Variants in ZIC1 observed in about 807,000 individuals in gnomAD.
The protein encoded by ZIC1 is zinc finger protein ZIC 1.
In ZIC1, 4 loss-of-function variants were observed where a neutral mutation model predicts 30.9. The ratio of observed to expected loss-of-function variants is 0.13; its 90% CI spans 0.06 to 0.30. ZIC1 has a LOEUF of 0.30. Ranked by LOEUF, ZIC1 falls within the 10% of genes least tolerant of loss-of-function variation. The pLI is 1.00. For synonymous variants in ZIC1, 305 were observed against 277.5 expected, an observed-to-expected ratio of 1.10 and a Z score of -0.98; for missense variants, 441 against 639.3, an observed-to-expected ratio of 0.69 and a Z score of 3.34.
intron 1 of ZIC1, 108 bp from the exon 2 acceptor site, chr3:147,412,410 C>A: frequency 7.3e-7 from 1 of 1,368,312 alleles, no homozygotes; most frequent in Non-Finnish European, 1.0e-6. Flanking sequence ...AGTGCTAATC[C>A]TGGGCTGCTG....
Position 147,412,695 on chromosome 3 carries a change from T to C in ZIC1, c.1146+14T>C. The stretch of plus-strand genomic sequence containing the variant: ...AAACACATGAAGGTAATCGCCGCAC[T>C]CTCGTCGCCCCCTTTGAGGCAGGAG... On this transcript the variant is annotated intron_variant, in intron 2 of 2. Transcript: ENST00000282928. The C allele has an allele frequency of 6.2e-7, 1 of 1,602,724 alleles. No individual in the cohort carries two copies. Among genetic ancestry groups the C allele is most frequent in the Non-Finnish European group, 8.5e-7 (1 of 1,171,068 alleles).
chr3:147,414,578 A>T lies in ZIC1; in HGVS notation c.*1027A>T, dbSNP rs2087416843. 1 of 152,568 alleles carries T rather than the reference A, an allele frequency of 6.6e-6. No individual in the cohort carries two copies. The highest frequency in any genetic ancestry group is 2.4e-5 in the African/African-American group (1 of 41,430). 9.5% of individuals were successfully genotyped at this position (152,568 alleles called of 1,614,324 possible). On this transcript the variant is annotated 3_prime_UTR_variant, in exon 3 of 3. Transcript: ENST00000282928. Reference sequence around the variant, plus strand: ...TTAAATCTCCGTGATTGTGGTAGGAATTTCTTCTTCACCCACCAGCAACCT... The same window carrying T: ...TTAAATCTCCGTGATTGTGGTAGGATTTTCTTCTTCACCCACCAGCAACCT...
intron 1 of ZIC1, among the ~76,000 whole-genome samples, chr3:147,412,118 G>A (rs1314345227): frequency 1.3e-5 from 2 of 151,884 alleles, no homozygotes; most frequent in Admixed American, 6.6e-5. Flanking sequence ...CGGGGAGGGG[G>A]CAGGGGGAGG....
rs1460270064 is a variant in ZIC1 at position 147,410,514 on chromosome 3, C to T, written c.402C>T (p.His134=). 6.2e-7 allele frequency: 1 copy of T among 1,608,472 alleles called. No individual in the cohort carries two copies. Among genetic ancestry groups the T allele is most frequent in the South Asian group, 1.1e-5 (1 of 90,928 alleles). Residue 134 remains histidine (H), a synonymous_variant, in exon 1 of 3, where the codon CAC becomes CAT. Coordinates refer to ENST00000282928, the MANE Select transcript of ZIC1 (RefSeq NM_003412.4). ...SAGGFGGPHG[H]TDAAGHLLFP... The stretch of plus-strand genomic sequence containing the variant: ...GGGGCTTCGGGGGCCCACACGGCCA[C>T]ACGGACGCCGCGGGCCACCTCCTCT...
rs1335082823 is a variant in ZIC1 at position 147,410,204 on chromosome 3, G to A, written c.92G>A (p.Arg31Gln). 1.9e-6 allele frequency: 3 copies of A among 1,601,412 alleles called. No individual in the cohort carries two copies. Among genetic ancestry groups the A allele is most frequent in the Admixed American group, 3.3e-5 (2 of 59,988 alleles). The change falls in exon 1 of 3, where the codon CGA (arginine) becomes CAA (glutamine). Residue 31 changes from arginine to glutamine, a missense_variant. Around this residue, in one of 5 missense-constraint regions of ZIC1, gnomAD observed 307 missense variants for 355.3 expected, o/e 0.86. Transcript: ENST00000282928. ...RHHSAGDVAE[R>Q]DVGLGINPFA... ...CACTCCGCGGGCGACGTGGCCGAAC[G>A]AGACGTGGGCCTGGGCATCAACCCG...
chr3:147,414,926 G>A lies in ZIC1; in HGVS notation c.*1375G>A, dbSNP rs1360368001. On this transcript the variant is annotated 3_prime_UTR_variant, in exon 3 of 3. Transcript: ENST00000282928. ...CAACATTGCAAATGAACTTGCAGCC[G>A]AGGGTTCCGCTGCCCCCTAGATTAA... 2 of 152,704 alleles carry A rather than the reference G, an allele frequency of 1.3e-5. No individual in the cohort carries two copies. The highest frequency in any genetic ancestry group is 3.9e-4 in the East Asian group (2 of 5,188). 9.5% of individuals were successfully genotyped at this position (152,704 alleles called of 1,614,324 possible).
rs756393471 is a variant in ZIC1 at position 147,410,169 on chromosome 3, G to C, written c.57G>C (p.Ala19=). ...YPAIGVTTFG[A]SRHHSAGDVA... Reference sequence around the variant, plus strand: ...CGATCGGCGTGACCACCTTTGGCGCGTCCCGCCACCACTCCGCGGGCGACG... The same window carrying C: ...CGATCGGCGTGACCACCTTTGGCGCCTCCCGCCACCACTCCGCGGGCGACG... Residue 19 remains alanine, a synonymous_variant, in exon 1 of 3, where the codon GCG becomes GCC. Coordinates refer to ENST00000282928, the MANE Select transcript of ZIC1 (RefSeq NM_003412.4). 1 of 1,599,240 alleles carries C rather than the reference G, an allele frequency of 6.3e-7. No individual in the cohort carries two copies.
chr3:147,413,012 C>A (rs2087395565), intron 2 of ZIC1, among the ~76,000 whole-genome samples: 1 of 152,198 alleles, frequency 6.6e-6, no homozygotes, highest in African/African-American at 2.4e-5. Context: ...GCCAGTGAGA[C>A]GCAAGAATTG....
rs2087352962 is a variant in ZIC1, at chr3:147,410,111, C to G, written c.-2C>G. 1 of 1,525,938 alleles carries G rather than the reference C, an allele frequency of 6.6e-7. No homozygotes were observed. 94.5% of individuals were successfully genotyped at this position (1,525,938 alleles called of 1,614,324 possible). A position where few individuals can be genotyped will look rare whatever the true frequency, so the allele number is the denominator to read the frequency against. ...GGCCGGGGCTCGCCCCGAGCAGCCA[C>G]GATGCTCCTGGACGCCGGCCCCCAG... On this transcript the variant is annotated 5_prime_UTR_variant, in exon 1 of 3. Coordinates refer to ENST00000282928, the MANE Select transcript of ZIC1 (RefSeq NM_003412.4).
chr3:147,409,788 T>G lies in ZIC1; in HGVS notation c.-325T>G, dbSNP rs2087346274. The G allele has an allele frequency of 2.7e-6, 1 of 375,408 alleles. No individual in the cohort carries two copies. Among genetic ancestry groups the G allele is most frequent in the East Asian group, 4.7e-5 (1 of 21,218 alleles). 23.3% of individuals were successfully genotyped at this position (375,408 alleles called of 1,614,324 possible). A position where few individuals can be genotyped will look rare whatever the true frequency, so the allele number is the denominator to read the frequency against. On this transcript the variant is annotated 5_prime_UTR_variant, in exon 1 of 3. Coordinates refer to ENST00000282928, the MANE Select transcript of ZIC1 (RefSeq NM_003412.4). ...GCTCCATGCCTTTCCCCGGGCAGCC[T>G]TGACGCGCGGCCCTCTCGGCAGAGA... is the stretch of plus-strand genomic sequence containing the variant.
Position 147,410,698 on chromosome 3 carries a change from G to C in ZIC1, c.586G>C (p.Gly196Arg), listed in dbSNP as rs764570223. 6.8e-6 allele frequency: 11 copies of C among 1,613,950 alleles called. No homozygotes were observed. The highest frequency in any genetic ancestry group is 9.3e-6 in the Non-Finnish European group (11 of 1,179,948). The change falls in exon 1 of 3, where the codon GGC becomes CGC. Residue 196 changes from glycine to arginine, a missense_variant. Gly to Arg is a moderately radical substitution (Grantham distance 125). This residue lies in a region of ZIC1 where 307 missense variants were observed against 355.3 expected (regional missense o/e 0.86). Coordinates refer to ENST00000282928, the MANE Select transcript of ZIC1 (RefSeq NM_003412.4). ...GCACTATGCTGCGCCGCAGCTGCAC[G>C]GCTACGGGCCCATGAACGTGAACAT... ...SEHYAAPQLH[G>R]YGPMNVNMAA...
chr3:147,416,335 C>T lies in ZIC1; in HGVS notation c.*2784C>T, dbSNP rs566433240. The T allele has an allele frequency of 6.6e-6, 1 of 152,322 alleles. No individual in the cohort carries two copies. The highest frequency in any genetic ancestry group is 2.1e-4 in the South Asian group (1 of 4,826). 9.4% of individuals were successfully genotyped at this position (152,322 alleles called of 1,614,324 possible). Reference sequence around the variant, plus strand: ...AATGATAAACATGATAATAGTGGTACTTTTGTAATTTTGCTGGTGCATTTA... The same window carrying T: ...AATGATAAACATGATAATAGTGGTATTTTTGTAATTTTGCTGGTGCATTTA... On this transcript the variant is annotated 3_prime_UTR_variant, in exon 3 of 3. Transcript: ENST00000282928.
rs867219721 is a variant in ZIC1 at position 147,410,765 on chromosome 3, G to A, written c.653G>A (p.Arg218His). ...GCCGGCGCCTTCTTCCGCTACATGC[G>A]CCAACCCATCAAGCAAGAGCTCATC... ...HGAGAFFRYM[R>H]QPIKQELICK... The change falls in exon 1 of 3, where the codon CGC becomes CAC. Residue 218 changes from arginine (R) to histidine (H), a missense_variant. By Grantham distance (29) the Arg-to-His change is conservative. Coordinates refer to ENST00000282928, the MANE Select transcript of ZIC1 (RefSeq NM_003412.4). The A allele has an allele frequency of 6.2e-7, 1 of 1,614,168 alleles. No individual in the cohort carries two copies. Among genetic ancestry groups the A allele is most frequent in the East Asian group, 2.2e-5 (1 of 44,868 alleles).
Position 147,413,280 on chromosome 3 carries a change from C to A in ZIC1, c.1147-74C>A, listed in dbSNP as rs575945609. The A allele has an allele frequency of 1.4e-5, 21 of 1,515,636 alleles. No individual in the cohort carries two copies. In the South Asian group the frequency reaches 2.5e-4, roughly 18 times the overall value. The allele number at this position is 1,515,636 out of a possible 1,614,324, so 93.9% of individuals were successfully genotyped here. A position where few individuals can be genotyped will look rare whatever the true frequency, so the allele number is the denominator to read the frequency against. On this transcript the variant is annotated intron_variant, in intron 2 of 2. Coordinates refer to ENST00000282928, the MANE Select transcript of ZIC1 (RefSeq NM_003412.4). The stretch of plus-strand genomic sequence containing the variant: ...CAAGGGGTCCAGGAGGAAGGGCACT[C>A]GCGGCCTTCGCCTCTCTAGTCGGCC...
intron 1 of ZIC1, 47 bp downstream of exon 1, chr3:147,411,141 G>A: frequency 6.4e-7 from 1 of 1,557,186 alleles, no homozygotes. Flanking sequence ...CTTGGGCCTG[G>A]GACCCAAACC....
rs773611708 is a variant in ZIC1, at chr3:147,411,066, T to C, written c.954T>C (p.Asn318=). 7 of 1,613,822 alleles carry C rather than the reference T, an allele frequency of 4.3e-6. No homozygotes were observed. The highest frequency in any genetic ancestry group is 5.9e-6 in the Non-Finnish European group (7 of 1,179,882). ...GCAAGGTCTTCGCGCGCTCCGAGAATTTAAAGATCCACAAAAGGACGCACA... is the reference window on the plus strand; with the variant it reads ...GCAAGGTCTTCGCGCGCTCCGAGAACTTAAAGATCCACAAAAGGACGCACA... ...GCGKVFARSE[N]LKIHKRTHTG... Residue 318 remains asparagine, a synonymous_variant, in exon 1 of 3, where the codon AAT becomes AAC. Coordinates refer to ENST00000282928, the MANE Select transcript of ZIC1 (RefSeq NM_003412.4).
chr3:147,412,842 C>G (rs889232759), intron 2 of ZIC1, among the ~76,000 whole-genome samples, 161 bp downstream of exon 2: 1 of 152,158 alleles, frequency 6.6e-6, no homozygotes, highest in African/African-American at 2.4e-5. Context: ...TAGGGCGGGA[C>G]CTGGAAAAGG....
rs1380251514 is a variant in ZIC1 at position 147,414,849 on chromosome 3, C to T, written c.*1298C>T. On this transcript the variant is annotated 3_prime_UTR_variant, in exon 3 of 3. Coordinates refer to ENST00000282928, the MANE Select transcript of ZIC1 (RefSeq NM_003412.4). The stretch of plus-strand genomic sequence containing the variant: ...AAATAACAGGAATAGATTGCACAGG[C>T]GACATCAATATTAATGTAGACGAAT... 2 of 152,588 alleles carry T rather than the reference C, an allele frequency of 1.3e-5. No individual in the cohort carries two copies. The highest frequency in any genetic ancestry group is 2.9e-5 in the Non-Finnish European group (2 of 68,042). The allele number at this position is 152,588 out of a possible 1,614,324, so 9.5% of individuals were successfully genotyped here.
Position 147,410,172 on chromosome 3 carries a change from C to T in ZIC1, c.60C>T (p.Ser20=), listed in dbSNP as rs778083869. 55 of 1,599,744 alleles carry T rather than the reference C, an allele frequency of 3.4e-5. No individual in the cohort carries two copies. The African/African-American group carries it at 5.1e-4, about 15-fold the overall frequency. ...PAIGVTTFGA[S]RHHSAGDVAE... is the part of the protein sequence containing the mutation. ...TCGGCGTGACCACCTTTGGCGCGTC[C>T]CGCCACCACTCCGCGGGCGACGTGG... The change falls in exon 1 of 3, where the codon TCC becomes TCT. Residue 20 remains serine, a synonymous_variant. Coordinates refer to ENST00000282928, the MANE Select transcript of ZIC1 (RefSeq NM_003412.4).
Sources: gnomAD v4.1 joint callset for allele counts (sites outside exome capture counted in the v4.1 genomes callset) on GRCh38, gnomAD v4.1.1 for gene constraint, gnomAD v4.1.1 regional missense constraint, MANE v1.5 for transcripts, NCBI Gene and HGNC (gene_info 2026-07-23, HGNC 2026-07-21) for gene names.